Variants in TBCK observed in about 807,000 individuals in gnomAD.
TBCK encodes the protein TBC domain-containing protein kinase-like protein.
In TBCK, 99 loss-of-function variants were observed where a neutral mutation model predicts 113.4. That is an observed-to-expected ratio of 0.87 (90% CI 0.74 to 1.03). The LOEUF is 1.03. Among genes scored for constraint, TBCK ranks in the 50% least tolerant of loss-of-function variants. The pLI, the probability that TBCK is intolerant of heterozygous loss-of-function variation, is 0.00. For missense variants in TBCK, 1,045 were observed against 1,061.3 expected (o/e 0.98, Z 0.21); for synonymous variants, 369 against 370.8 (o/e 1.00, Z 0.05).
At chr4:106,171,663 A>G (rs10004611) in intron 22 of TBCK, among the ~76,000 whole-genome samples, 61,255 of 151,922 alleles carry the variant, frequency 0.4, 12,675 homozygotes, top group African/African-American at 0.48. Context: ...AACAAAAGTT[A>G]TAGGGGGAGA....
chr4:106,307,173 CAAAA>C (rs1767612812), intron 2 of TBCK, among the ~76,000 whole-genome samples: 1 of 151,992 alleles, frequency 6.6e-6, no homozygotes, highest in African/African-American at 2.4e-5. Context: ...TACAATCTTT[CAAAA>C]AATAATAAAA....
At chr4:106,099,239 T>C (rs990211609) in intron 24 of TBCK, among the ~76,000 whole-genome samples, 1 of 152,116 alleles carries the variant, frequency 6.6e-6, no homozygotes, top group Non-Finnish European at 1.5e-5. Context: ...TCCTTTAAAA[T>C]ATTGTTTAAA....
chr4:106,114,617 A>C (rs1743272546), intron 24 of TBCK, among the ~76,000 whole-genome samples: 1 of 152,124 alleles, frequency 6.6e-6, no homozygotes, highest in Admixed American at 6.5e-5. Context: ...CCTGCGTCTG[A>C]CTGCATTCTT....
chr4:106,191,041 C>G (rs1048605494), intron 22 of TBCK, among the ~76,000 whole-genome samples: 3 of 152,136 alleles, frequency 2.0e-5, no homozygotes, highest in African/African-American at 7.2e-5. Context: ...TGGATTTAAC[C>G]AATTGCTCAG....
At chr4:106,133,239 C>T (rs1000205051) in intron 23 of TBCK, among the ~76,000 whole-genome samples, 2 of 152,122 alleles carry the variant, frequency 1.3e-5, no homozygotes, top group Non-Finnish European at 2.9e-5. Flanking sequence ...TCCTTTCCCC[C>T]ATACTGTTCT....
At position 106,153,047 on chromosome 4, in the gene TBCK, TTTC is replaced by T. The variant is rs540510825; in HGVS notation, c.2235+18045_2235+18047del. Among the ~76,000 whole-genome samples, 112 of 152,184 alleles carry T rather than the reference TTTC, an allele frequency of 7.4e-4. 6 individuals carry two copies. The South Asian group carries it at 0.023, about 31-fold the overall frequency. The stretch of plus-strand genomic sequence containing the variant: ...TTGTTTCATTGATCTTCTGTACTGT[TTTC>T]TTCATTTCAAATTAATTTATTTTTG... On this transcript the variant is annotated intron_variant, in intron 23 of 25. Transcript: ENST00000394708.
intron 19 of TBCK, among the ~76,000 whole-genome samples, chr4:106,226,555 C>T (rs1223657789): frequency 1.3e-5 from 2 of 152,150 alleles, no homozygotes; most frequent in Non-Finnish European, 2.9e-5. Context: ...TTGGAAAGTT[C>T]AGTAAACACT....
intron 24 of TBCK, among the ~76,000 whole-genome samples, chr4:106,102,982 T>C (rs1393765739): frequency 6.6e-6 from 1 of 152,200 alleles, no homozygotes; most frequent in East Asian, 1.9e-4. Flanking sequence ...AGATTTACCT[T>C]GGTAAGCATT....
intron 7 of TBCK, among the ~76,000 whole-genome samples, chr4:106,250,091 A>G (rs939961417): frequency 1.6e-4 from 24 of 152,250 alleles, no homozygotes; most frequent in African/African-American, 5.8e-4. Flanking sequence ...GTTAAGATAC[A>G]TTGTCTGAAG....
In TBCK at chr4:106,124,022, G is replaced by T. The variant is rs867417698; in HGVS notation, c.2236-7644C>A. Among the ~76,000 whole-genome samples the T allele has an allele frequency of 2.0e-5, 3 of 151,088 alleles. No homozygotes were observed. The Admixed American group carries it at 2.0e-4, about 10-fold the overall frequency. Reference sequence around the variant, plus strand: ...AAACGGGATCTAATTAAACTAAAGAGCTTCTGCACAGCAAAAGAAACTACC... The same window carrying T: ...AAACGGGATCTAATTAAACTAAAGATCTTCTGCACAGCAAAAGAAACTACC... On this transcript the variant is annotated intron_variant, in intron 23 of 25. Coordinates refer to ENST00000394708, the MANE Select transcript of TBCK (RefSeq NM_001163435.3).
At chr4:106,165,136 T>TA (rs1459566410) in intron 23 of TBCK, among the ~76,000 whole-genome samples, 2 of 151,736 alleles carry the variant, frequency 1.3e-5, no homozygotes. Flanking sequence ...AAATAGATTT[T>TA]AAAAAATCAA....
chr4:106,259,932 C>T (rs145981526), intron 5 of TBCK, among the ~76,000 whole-genome samples: 5 of 152,004 alleles, frequency 3.3e-5, no homozygotes, highest in African/African-American at 1.2e-4. Context: ...ATTAAATAAA[C>T]CTTTCTGAAC....
At chr4:106,167,613 C>T (rs1399402526) in intron 23 of TBCK, among the ~76,000 whole-genome samples, 2 of 151,338 alleles carry the variant, frequency 1.3e-5, no homozygotes, top group African/African-American at 4.8e-5. Flanking sequence ...TGAATAAAAT[C>T]AATAAGCCTT....
At chr4:106,186,341 T>G (rs977085302) in intron 22 of TBCK, among the ~76,000 whole-genome samples, 2 of 152,168 alleles carry the variant, frequency 1.3e-5, no homozygotes, top group African/African-American at 4.8e-5. Context: ...CTAGTTTACA[T>G]TCCCGCAGGC....
chr4:106,239,857 G>T (rs549818772), intron 12 of TBCK, among the ~76,000 whole-genome samples: 58 of 151,382 alleles, frequency 3.8e-4, no homozygotes, highest in South Asian at 1.0e-3. Flanking sequence ...GAAAAAAAAA[G>T]GCAACACTCT....
chr4:106,161,241 C>A (rs1178933235), intron 23 of TBCK, among the ~76,000 whole-genome samples: 2 of 152,006 alleles, frequency 1.3e-5, no homozygotes, highest in Non-Finnish European at 2.9e-5. Flanking sequence ...TAGAAAAGAT[C>A]CCTACAAATA....
chr4:106,186,616 G>T (rs1204738509), intron 22 of TBCK, among the ~76,000 whole-genome samples: 1 of 152,064 alleles, frequency 6.6e-6, no homozygotes. Context: ...TTGTTTTTAA[G>T]ACTCTGGATA....
At chr4:106,246,610 A>G (rs1760844192) in intron 10 of TBCK, among the ~76,000 whole-genome samples, 1 of 152,140 alleles carries the variant, frequency 6.6e-6, no homozygotes, top group South Asian at 2.1e-4. Flanking sequence ...CCTTAAGGGC[A>G]AGAAAGCACT....
intron 14 of TBCK, 63 bp from the exon 15 acceptor site, chr4:106,235,430 C>T: frequency 8.7e-7 from 1 of 1,153,466 alleles, no homozygotes; most frequent in South Asian, 1.5e-5. Context: ...TTAGTCTAGA[C>T]AGTTCTGAAT....
Sources: gnomAD v4.1 joint callset for allele counts (sites outside exome capture counted in the v4.1 genomes callset) on GRCh38, gnomAD v4.1.1 for gene constraint, MANE v1.5 for transcripts, NCBI Gene and HGNC (gene_info 2026-07-23, HGNC 2026-07-21) for gene names.